PLCE1: variants seen among roughly 807,000 people sequenced by gnomAD.
PLCE1 encodes 1-phosphatidylinositol 4,5-bisphosphate phosphodiesterase epsilon-1.
In PLCE1, 119 loss-of-function variants were observed where a neutral mutation model predicts 242.8. That is an observed-to-expected ratio of 0.49 (90% CI 0.42 to 0.57). The LOEUF (loss-of-function observed/expected upper bound fraction) is 0.57. Ranked by LOEUF, PLCE1 falls within the 20% of genes least tolerant of loss-of-function variation. PLCE1 has a pLI of 0.00. For missense variants in PLCE1, 2,441 were observed against 2,788.8 expected (o/e 0.88, Z 2.81); for synonymous variants, 945 against 1,017.4 (o/e 0.93, Z 1.35).
chr10:94,138,644 G>T, intron 3 of PLCE1: 1 of 360,128 alleles, frequency 2.8e-6, no homozygotes, highest in Non-Finnish European at 5.4e-6. Context: ...TGCTGATGCT[G>T]ATGCTAGGAG....
At chr10:94,236,608 C>G (rs955209643) in intron 7 of PLCE1, among the ~76,000 whole-genome samples, 1 of 152,064 alleles carries the variant, frequency 6.6e-6, no homozygotes, top group African/African-American at 2.4e-5. Context: ...GATTCTAAGT[C>G]GAGGGTTAGT....
At chr10:94,238,049 C>T (rs2050380761) in intron 7 of PLCE1, among the ~76,000 whole-genome samples, 1 of 152,152 alleles carries the variant, frequency 6.6e-6, no homozygotes. Flanking sequence ...ATAATTCTTC[C>T]CAAACCTCAC....
At chr10:94,222,401 C>T (rs1015549319) in intron 4 of PLCE1, among the ~76,000 whole-genome samples, 3 of 152,082 alleles carry the variant, frequency 2.0e-5, no homozygotes, top group Admixed American at 1.3e-4. Flanking sequence ...TTAAACTTAC[C>T]GAGGGCAGAT....
chr10:94,120,562 G>C (rs1474540878), intron 2 of PLCE1, among the ~76,000 whole-genome samples: 1 of 152,308 alleles, frequency 6.6e-6, no homozygotes, highest in African/African-American at 2.4e-5. Flanking sequence ...AAACCTTTAA[G>C]AATTAAATCA....
chr10:94,115,711 G>T (rs1316718590), intron 2 of PLCE1, among the ~76,000 whole-genome samples: 1 of 152,146 alleles, frequency 6.6e-6, no homozygotes, highest in Non-Finnish European at 1.5e-5. Flanking sequence ...CATTCTACAG[G>T]TTGCCTGTTC....
intron 2 of PLCE1, among the ~76,000 whole-genome samples, chr10:94,043,511 C>T (rs1392259090): frequency 1.3e-5 from 2 of 152,126 alleles, no homozygotes; most frequent in Non-Finnish European, 2.9e-5. Flanking sequence ...AATGGTGACA[C>T]TTTAATAGTG....
intron 4 of PLCE1, among the ~76,000 whole-genome samples, chr10:94,201,706 C>T (rs1347976717): frequency 6.6e-6 from 1 of 152,140 alleles, no homozygotes; most frequent in Non-Finnish European, 1.5e-5. Context: ...GTCTCGATCT[C>T]CTGACCTCGT....
chr10:94,060,449 T>C (rs957638492), intron 2 of PLCE1, among the ~76,000 whole-genome samples: 1 of 152,140 alleles, frequency 6.6e-6, no homozygotes, highest in Admixed American at 6.6e-5. Context: ...TAAAAGAGTA[T>C]GGGAAACAAG....
At chr10:94,225,874 C>T (rs564585656) in intron 4 of PLCE1, among the ~76,000 whole-genome samples, 3 of 152,358 alleles carry the variant, frequency 2.0e-5, no homozygotes, top group African/African-American at 7.2e-5. Context: ...ACCTTGAGCT[C>T]TTATTTCCTG....
chr10:94,295,898 T>G (rs2052794821), intron 23 of PLCE1, among the ~76,000 whole-genome samples: 1 of 152,108 alleles, frequency 6.6e-6, no homozygotes, highest in South Asian at 2.1e-4. Flanking sequence ...GCCCTAAGGA[T>G]TTTCAGAATG....
At chr10:94,058,490 G>A (rs1310957022) in intron 2 of PLCE1, among the ~76,000 whole-genome samples, 2 of 152,184 alleles carry the variant, frequency 1.3e-5, no homozygotes, top group Non-Finnish European at 2.9e-5. Flanking sequence ...ATAGGCATAT[G>A]AAAAGTTCTT....
chr10:94,189,930 CT>C (rs2048606191), intron 4 of PLCE1, among the ~76,000 whole-genome samples: 1 of 152,226 alleles, frequency 6.6e-6, no homozygotes, highest in African/African-American at 2.4e-5. Flanking sequence ...GGCCAAATTA[CT>C]TCCCTGAGCC....
Position 94,032,380 on chromosome 10 carries a change from G to A in PLCE1, c.1206+128G>A, listed in dbSNP as rs2061577645. On this transcript the variant is annotated intron_variant, in intron 2 of 32. Coordinates refer to ENST00000371380, the MANE Select transcript of PLCE1 (RefSeq NM_016341.4). ...TGTCAAATTATGATTCTTAGGTTAAGCATTTGTGGTTATTGAAAACAGATA... is the reference window on the plus strand; with the variant it reads ...TGTCAAATTATGATTCTTAGGTTAAACATTTGTGGTTATTGAAAACAGATA... 12 of 860,518 alleles carry A rather than the reference G, an allele frequency of 1.4e-5. No homozygotes were observed. In the South Asian group the frequency reaches 1.9e-4, roughly 14 times the overall value. 53.3% of individuals were successfully genotyped at this position (860,518 alleles called of 1,614,324 possible).
intron 1 of PLCE1, among the ~76,000 whole-genome samples, chr10:93,995,361 G>C (rs567549434): frequency 7.9e-5 from 12 of 152,298 alleles, no homozygotes; most frequent in African/African-American, 2.6e-4. Flanking sequence ...CCTTCAAACT[G>C]TGTTTTGCTG....
chr10:94,063,079 T>C (rs1218836066), intron 2 of PLCE1, among the ~76,000 whole-genome samples: 1 of 152,164 alleles, frequency 6.6e-6, no homozygotes, highest in Admixed American at 6.6e-5. Flanking sequence ...CCTGGACTCC[T>C]CTCCCACATG....
In PLCE1 at chr10:94,171,418, A is replaced by T; in HGVS notation, c.1731A>T (p.Ala577=). 1 of 1,614,192 alleles carries T rather than the reference A, an allele frequency of 6.2e-7. No homozygotes were observed. Among genetic ancestry groups the T allele is most frequent in the African/African-American group, 1.3e-5 (1 of 75,060 alleles). The change falls in exon 4 of 33, where the codon GCA becomes GCT. Residue 577 remains alanine, a synonymous_variant. Transcript: ENST00000371380. ...ECQSSLPCLK[A]SISASILTTQ... ...AGAGCTCCTTGCCCTGCCTCAAAGC[A>T]TCCATCTCAGCGTCGATTCTTACCA...
At chr10:94,095,458 G>A (rs1364037932) in intron 2 of PLCE1, among the ~76,000 whole-genome samples, 1 of 152,172 alleles carries the variant, frequency 6.6e-6, no homozygotes, top group Non-Finnish European at 1.5e-5. Flanking sequence ...CCAGGTTCAA[G>A]CGATCCTCTC....
Position 94,268,934 on chromosome 10 carries a change from T to C in PLCE1, c.4287T>C (p.Leu1429=). The part of the protein sequence containing the change: ...ESSVELYSQV[L]LQGCRSVELD... ...TTCGCTCATTGATCACACAGGTCCT[T>C]TTGCAAGGCTGTCGAAGTGTAGAAT... The change falls in exon 17 of 33, where the codon CTT becomes CTC. Residue 1429 remains leucine, a synonymous_variant. Coordinates refer to ENST00000371380, the MANE Select transcript of PLCE1 (RefSeq NM_016341.4). The C allele has an allele frequency of 6.2e-7, 1 of 1,606,976 alleles. No individual in the cohort carries two copies. The highest frequency in any genetic ancestry group is 8.5e-7 in the Non-Finnish European group (1 of 1,173,772).
chr10:94,138,335 G>A, intron 3 of PLCE1: 1 of 383,684 alleles, frequency 2.6e-6, no homozygotes, highest in Non-Finnish European at 5.2e-6. Context: ...CACAGACTGG[G>A]TCATGACTGT....
Sources: gnomAD v4.1 joint callset for allele counts (sites outside exome capture counted in the v4.1 genomes callset) on GRCh38, gnomAD v4.1.1 for gene constraint, MANE v1.5 for transcripts, NCBI Gene and HGNC (gene_info 2026-07-23, HGNC 2026-07-21) for gene names.